The following WBP2NL variants were observed in gnomAD, a reference collection of about 807,000 sequenced individuals.
The protein encoded by WBP2NL is WBP2 N-terminal like.
In WBP2NL, 27 loss-of-function variants were observed where a neutral mutation model predicts 23.3. That is an observed-to-expected ratio of 1.16 (90% confidence interval 0.85 to 1.60). The LOEUF (loss-of-function observed/expected upper bound fraction) is 1.60. Among genes scored for constraint, WBP2NL ranks in the 40% most tolerant of loss-of-function variants. WBP2NL has a pLI of 0.00. For synonymous variants in WBP2NL, 151 were observed against 145.9 expected, an observed-to-expected ratio of 1.03 and a Z score of -0.25; for missense variants, 370 against 389.5, an observed-to-expected ratio of 0.95 and a Z score of 0.42.
intron 1 of WBP2NL, among the ~76,000 whole-genome samples, chr22:42,009,218 C>T (rs978031630): frequency 2.0e-5 from 3 of 152,166 alleles, no homozygotes; most frequent in Non-Finnish European, 4.4e-5. Flanking sequence ...AGATATTAAG[C>T]CCTTATCATA....
chr22:42,003,199 TG>T (rs1602436899), intron 1 of WBP2NL: 1 of 73,778 alleles, frequency 1.4e-5, no homozygotes, highest in Non-Finnish European at 3.4e-5. Flanking sequence ...GTAATTACAT[TG>T]GTTCTCTCCA....
Position 42,028,034 on chromosome 22 carries a change from A to G in WBP2NL, c.*853A>G. 2 of 398,430 alleles carry G rather than the reference A, an allele frequency of 5.0e-6. No individual in the cohort carries two copies. The highest frequency in any genetic ancestry group is 4.4e-6 in the Non-Finnish European group (1 of 226,032). The allele number at this position is 398,430 out of a possible 1,614,324, so 24.7% of individuals were successfully genotyped here. A position where few individuals can be genotyped will look rare whatever the true frequency, so the allele number is the denominator to read the frequency against. ...TTAAAACTCTTGATATGGCACTTTC[A>G]CATTTTAAAATATGCCTGCGAGAAA... On this transcript the variant is annotated 3_prime_UTR_variant, in exon 6 of 6. Coordinates refer to ENST00000328823, the MANE Select transcript of WBP2NL (RefSeq NM_152613.3).
chr22:42,050,528 A>G (rs760595795), intron 8 of WBP2NL, among the ~76,000 whole-genome samples: 4 of 151,842 alleles, frequency 2.6e-5, no homozygotes, highest in Non-Finnish European at 4.4e-5. Flanking sequence ...CTTGCCTGTA[A>G]TCCCAGCTAC....
Position 42,022,269 on chromosome 22 carries a change from A to T in WBP2NL, c.427A>T (p.Arg143Ter). 6.2e-7 allele frequency: 1 copy of T among 1,614,220 alleles called. No individual in the cohort carries two copies. Reference protein sequence around the residue: ...ASAAARGFPLRTLNDWFSSMG... With the variant: ...ASAAARGFPL ...TCCAGCTGCCCGAGGATTTCCACTT[A>T]GAACCTTAAATGACTGGTTCAGCTC... The change falls in exon 5 of 6, where the codon AGA becomes TGA. Residue 143 changes from arginine (R) to a stop codon, truncating the protein, a stop_gained. Coordinates refer to ENST00000328823, the MANE Select transcript of WBP2NL (RefSeq NM_152613.3). LOFTEE classifies it high-confidence loss of function.
At chr22:42,014,645 G>A (rs748569128) in intron 1 of WBP2NL, among the ~76,000 whole-genome samples, 3 of 151,386 alleles carry the variant, frequency 2.0e-5, no homozygotes, top group Non-Finnish European at 2.9e-5. Flanking sequence ...TTTTTTCTTC[G>A]TTTTTTCCCA....
At chr22:42,045,557 TG>T (rs1166966179) in intron 8 of WBP2NL, among the ~76,000 whole-genome samples, 1 of 152,208 alleles carries the variant, frequency 6.6e-6, no homozygotes, top group Non-Finnish European at 1.5e-5. Flanking sequence ...GTTGATCCCA[TG>T]GGCATTACAA....
In WBP2NL at chr22:42,054,306, G is replaced by A. The variant is rs1925951594; in HGVS notation, c.*274-3984G>A. Among the ~76,000 whole-genome samples, 5 of 151,602 alleles carry A rather than the reference G, an allele frequency of 3.3e-5. No individual in the cohort carries two copies. In the South Asian group the frequency reaches 8.3e-4, roughly 25 times the overall value. On this transcript the variant is annotated intron_variant and NMD_transcript_variant, in intron 8 of 8. Coordinates refer to the WBP2NL transcript ENST00000436265. ...AGCAATTCTCCTGCTTTAGCCTCCT[G>A]AGCAGCTGGGATTACAGGCGCATGG... is the stretch of plus-strand genomic sequence containing the variant.
At chr22:42,001,045 G>C (rs1407255000) in intron 1 of WBP2NL, 1 of 761,876 alleles carries the variant, frequency 1.3e-6, no homozygotes, top group Non-Finnish European at 2.2e-6. Flanking sequence ...CCTGTTCAAA[G>C]GGGGAAAAAT....
At chr22:42,024,285 C>T (rs538752623) in intron 5 of WBP2NL, among the ~76,000 whole-genome samples, 1 of 152,184 alleles carries the variant, frequency 6.6e-6, no homozygotes, top group South Asian at 2.1e-4. Flanking sequence ...ATTACGAATA[C>T]TAGCTGCTAT....
At chr22:42,001,609 G>A (rs1411999989) in intron 1 of WBP2NL, 40 of 1,142,356 alleles carry the variant, frequency 3.5e-5, no homozygotes, top group African/African-American at 4.5e-5. Context: ...CAGTGGCACC[G>A]CCTGATGCCA....
At chr22:42,054,154 A>C (rs940676431) in intron 8 of WBP2NL, among the ~76,000 whole-genome samples, 22 of 151,682 alleles carry the variant, frequency 1.5e-4, no homozygotes, top group African/African-American at 5.3e-4. Flanking sequence ...ATCAAGTCCA[A>C]CTTATCTATT....
In WBP2NL at chr22:42,049,695, CAAAACAAAACAA is replaced by C. The variant is rs1463266651; in HGVS notation, c.*274-8590_*274-8579del. 3.4e-3 allele frequency among the ~76,000 whole-genome samples: 78 copies of C among 22,844 alleles called. 1 individual carries two copies. Among genetic ancestry groups the C allele is most frequent in the African/African-American group, 0.013 (60 of 4,556 alleles). 15.0% of individuals were successfully genotyped at this position (22,844 alleles called of 152,430 possible). A position where few individuals can be genotyped will look rare whatever the true frequency, so the allele number is the denominator to read the frequency against. The stretch of plus-strand genomic sequence containing the variant: ...ACAGAGCGAGACTCCGTCTCCAAAA[CAAAACAAAACAA>C]AAAAAAAAAAAAAAAAAAAAAAAAT... On this transcript the variant is annotated intron_variant and NMD_transcript_variant, in intron 8 of 8. Transcript: ENST00000436265.
At chr22:42,047,359 C>A (rs1041979039) in intron 8 of WBP2NL, among the ~76,000 whole-genome samples, 6 of 150,714 alleles carry the variant, frequency 4.0e-5, no homozygotes, top group Non-Finnish European at 7.4e-5. Flanking sequence ...AATACCAGAA[C>A]CATGGCCAGA....
At chr22:42,005,987 AT>A (rs1184164954) in intron 1 of WBP2NL, among the ~76,000 whole-genome samples, 2 of 152,170 alleles carry the variant, frequency 1.3e-5, no homozygotes, top group African/African-American at 4.8e-5. Flanking sequence ...CATTTTCTTT[AT>A]TGACTTTCTG....
rs1043741447 is a variant in WBP2NL at position 42,027,875 on chromosome 22, A to G, written c.*694A>G. 12 of 398,182 alleles carry G rather than the reference A, an allele frequency of 3.0e-5. No homozygotes were observed. Among genetic ancestry groups the G allele is most frequent in the African/African-American group, 2.3e-4 (11 of 48,640 alleles). 24.7% of individuals were successfully genotyped at this position (398,182 alleles called of 1,614,324 possible). On this transcript the variant is annotated 3_prime_UTR_variant, in exon 6 of 6. Transcript: ENST00000328823. Reference sequence around the variant, plus strand: ...ACAAATCAATTCTCCCCAAAATGACAGAAATATGAATTGCCGAATAACCAA... The same window carrying G: ...ACAAATCAATTCTCCCCAAAATGACGGAAATATGAATTGCCGAATAACCAA...
In WBP2NL at chr22:42,020,022, C is replaced by G. The variant is rs201437678; in HGVS notation, c.332C>G (p.Ala111Gly). The stretch of plus-strand genomic sequence containing the variant: ...CCCCCAGGTGGCTGGGAAGGACAAG[C>G]TACTTTTAAATTAGTCTTCAGAAAT... Reference protein sequence around the residue: ...AAPYGGWEGQATFKLVFRNGD... With the variant: ...AAPYGGWEGQGTFKLVFRNGD... Residue 111 changes from alanine (A) to glycine (G), a missense_variant, in exon 4 of 6, where the codon GCT becomes GGT. By Grantham distance (60) the Ala-to-Gly change is moderately conservative (BLOSUM62 0). Coordinates refer to ENST00000328823, the MANE Select transcript of WBP2NL (RefSeq NM_152613.3). The G allele has an allele frequency of 3.7e-6, 6 of 1,613,988 alleles. No homozygotes were observed. In the South Asian group the frequency reaches 5.5e-5, roughly 15 times the overall value.
intron 5 of WBP2NL, among the ~76,000 whole-genome samples, chr22:42,024,310 A>G (rs918260599): frequency 2.6e-5 from 4 of 152,158 alleles, no homozygotes; most frequent in Non-Finnish European, 5.9e-5. Flanking sequence ...ATTTGTATAT[A>G]ATTTTCTACG....
In WBP2NL at chr22:42,057,374, T is replaced by C. The variant is rs143174545; in HGVS notation, c.*274-916T>C. Among the ~76,000 whole-genome samples, 386 of 152,304 alleles carry C rather than the reference T, an allele frequency of 2.5e-3. 2 individuals carry two copies. The highest frequency in any genetic ancestry group is 8.7e-3 in the African/African-American group (363 of 41,576). On this transcript the variant is annotated intron_variant and NMD_transcript_variant, in intron 8 of 8. Coordinates refer to the WBP2NL transcript ENST00000436265. ...TTCCAACTTCAGAATTTGTGCTTTCTTCCCCACTACAGTTTTATCTCTTCT... is the reference window on the plus strand; with the variant it reads ...TTCCAACTTCAGAATTTGTGCTTTCCTCCCCACTACAGTTTTATCTCTTCT...
chr22:42,054,359 T>C (rs1360111174), intron 8 of WBP2NL, among the ~76,000 whole-genome samples: 1 of 151,632 alleles, frequency 6.6e-6, no homozygotes, highest in Non-Finnish European at 1.5e-5. Flanking sequence ...TTTTTTTTTT[T>C]TTTGTATTTT....
Sources: gnomAD v4.1 joint callset for allele counts (sites outside exome capture counted in the v4.1 genomes callset) on GRCh38, gnomAD v4.1.1 for gene constraint, MANE v1.5 for transcripts, NCBI Gene and HGNC (gene_info 2026-07-23, HGNC 2026-07-21) for gene names.